EMSY: variants seen among roughly 807,000 people sequenced by gnomAD.
The protein encoded by EMSY is EMSY transcriptional repressor, BRCA2 interacting.
A neutral mutation model predicts 134.6 loss-of-function variants in EMSY; 26 were observed. That is an observed-to-expected ratio of 0.19 (90% CI 0.14 to 0.27). EMSY has a LOEUF of 0.27. Among genes scored for constraint, EMSY ranks in the 10% least tolerant of loss-of-function variants. The pLI, the probability that EMSY is intolerant of heterozygous loss-of-function variation, is 1.00. For synonymous variants in EMSY, 579 were observed against 577.8 expected, an observed-to-expected ratio of 1.00 and a Z score of -0.03; for missense variants, 1,305 against 1,611.4, an observed-to-expected ratio of 0.81 and a Z score of 3.26.
Position 76,459,892 on chromosome 11 carries a change from T to C in EMSY, c.422-44T>C, listed in dbSNP as rs777608907. ...AATTTTTTTGTATGCCTGGACAGTT[T>C]TGGTGAAAGTTAACAGCAAACTTTT... On this transcript the variant is annotated intron_variant, in intron 5 of 20. Transcript: ENST00000334736. 9 of 1,605,136 alleles carry C rather than the reference T, an allele frequency of 5.6e-6. No homozygotes were observed. The East Asian group carries it at 1.3e-4, about 24-fold the overall frequency.
chr11:76,462,534 G>A (rs1372854658), intron 6 of EMSY, among the ~76,000 whole-genome samples: 2 of 152,186 alleles, frequency 1.3e-5, no homozygotes, highest in African/African-American at 4.8e-5. Flanking sequence ...ACAGCTTAGG[G>A]GAGAGGTGGA....
At chr11:76,445,164 G>A (rs1158011754) in intron 1 of EMSY, 36 bp downstream of exon 1, 1 of 152,882 alleles carries the variant, frequency 6.5e-6, no homozygotes, top group Non-Finnish European at 1.5e-5. Flanking sequence ...GGGAAGAGCT[G>A]GCAGGCCAGC....
chr11:76,450,917 C>T (rs1449477622), intron 2 of EMSY, among the ~76,000 whole-genome samples: 2 of 151,872 alleles, frequency 1.3e-5, no homozygotes, highest in African/African-American at 4.8e-5. Flanking sequence ...CGTCAGCCTC[C>T]TGAGAGGCTG....
At chr11:76,461,827 G>T (rs1011431529) in intron 6 of EMSY, among the ~76,000 whole-genome samples, 2 of 152,122 alleles carry the variant, frequency 1.3e-5, no homozygotes, top group Non-Finnish European at 2.9e-5. Context: ...AGCTATTTGG[G>T]AGGCTGAGAC....
intron 12 of EMSY, 21 bp downstream of exon 13, chr11:76,523,312 C>A: frequency 6.2e-7 from 1 of 1,600,156 alleles, no homozygotes; most frequent in Non-Finnish European, 8.5e-7. Flanking sequence ...GCTTCAACTG[C>A]AGACTTAGCA....
intron 8 of EMSY, among the ~76,000 whole-genome samples, chr11:76,489,608 C>CT (rs58914353): frequency 0.57 from 80,956 of 141,560 alleles, 23,324 homozygotes; most frequent in African/African-American, 0.65. Flanking sequence ...CTTGATGTAT[C>CT]TTTTTTTTTT....
chr11:76,536,464 A>G (rs138184861), intron 15 of EMSY, among the ~76,000 whole-genome samples: 119 of 152,336 alleles, frequency 7.8e-4, no homozygotes, highest in African/African-American at 2.7e-3. Flanking sequence ...GGGCCTTGCC[A>G]TCCTCCTTGA....
chr11:76,494,513 G>A (rs1170933437), intron 8 of EMSY, among the ~76,000 whole-genome samples: 1 of 152,160 alleles, frequency 6.6e-6, no homozygotes, highest in Non-Finnish European at 1.5e-5. Context: ...GTCTAGTTCA[G>A]CACAACCAAG....
intron 17 of EMSY, 149 bp from the exon 19 acceptor site, chr11:76,542,067 A>G (rs753451176): frequency 1.7e-5 from 16 of 916,324 alleles, no homozygotes; most frequent in Non-Finnish European, 2.8e-5. Flanking sequence ...CAGCTCATAG[A>G]TGGGCAGACT....
chr11:76,475,735 G>A (rs765605392), intron 8 of EMSY, among the ~76,000 whole-genome samples: 3 of 152,168 alleles, frequency 2.0e-5, no homozygotes, highest in East Asian at 1.9e-4. Flanking sequence ...CACAGACTGC[G>A]TTTGTGATTG....
chr11:76,453,314 C>G (rs745827031), exon 4 of EMSY: 1 of 1,612,114 alleles, frequency 6.2e-7, no homozygotes, highest in South Asian at 1.1e-5. Context: ...TTCTTCATAG[C>G]ATCTCAACAG....
At chr11:76,510,515 C>CG (rs1212647986) in intron 9 of EMSY, among the ~76,000 whole-genome samples, 1 of 152,108 alleles carries the variant, frequency 6.6e-6, no homozygotes, top group Admixed American at 6.5e-5. Context: ...CTCACAGAGT[C>CG]GGGGTAAGGG....
intron 19 of EMSY, 92 bp from the exon 21 acceptor site, chr11:76,545,705 G>T: frequency 2.1e-6 from 3 of 1,418,092 alleles, no homozygotes; most frequent in Non-Finnish European, 2.9e-6. Flanking sequence ...TATAGCGCAC[G>T]AATGTTTCTT....
intron 9 of EMSY, 126 bp downstream of exon 10, chr11:76,496,595 T>C: frequency 9.5e-7 from 1 of 1,051,180 alleles, no homozygotes; most frequent in Non-Finnish European, 1.4e-6. Flanking sequence ...ATCAGTGTTT[T>C]ACAGCTTTCA....
rs1489592042 is a variant in EMSY at position 76,507,859 on chromosome 11, CTTTTTCTTTTTTTTT to C, written c.1364-5512_1364-5498del. Among the ~76,000 whole-genome samples the C allele has an allele frequency of 6.7e-3, 746 of 111,534 alleles. 4 individuals carry two copies. Among genetic ancestry groups the C allele is most frequent in the African/African-American group, 0.021 (708 of 33,300 alleles). The allele number at this position is 111,534 out of a possible 152,430, so 73.2% of individuals were successfully genotyped here. On this transcript the variant is annotated intron_variant, in intron 9 of 20. Transcript: ENST00000334736. ...TGCATTTTTTTTTCTTTTTCTTTTT[CTTTTTCTTTTTTTTT>C]TTTTTCTTTTTTTTGAGACATAGTC...
chr11:76,546,210 A>C (rs1337346626), exon 20 of EMSY: 1 of 1,614,098 alleles, frequency 6.2e-7, no homozygotes, highest in Non-Finnish European at 8.5e-7. Context: ...TTGATCCACC[A>C]GCAGTGCCTG....
chr11:76,539,840 G>A (rs1325410487), intron 17 of EMSY, among the ~76,000 whole-genome samples, 200 bp downstream of exon 18: 2 of 152,132 alleles, frequency 1.3e-5, no homozygotes, highest in Non-Finnish European at 2.9e-5. Context: ...GGAAAAAAGA[G>A]TTCTTTAAAA....
intron 11 of EMSY, among the ~76,000 whole-genome samples, chr11:76,519,290 C>G (rs1446352186): frequency 6.6e-6 from 1 of 152,138 alleles, no homozygotes; most frequent in East Asian, 1.9e-4. Context: ...ATGTCAAACT[C>G]CTGACCTCAG....
At chr11:76,544,645 T>C (rs750925717) in exon 19 of EMSY, 1 of 1,613,888 alleles carries the variant, frequency 6.2e-7, no homozygotes, top group Non-Finnish European at 8.5e-7. Flanking sequence ...ACAGGCAGCT[T>C]CCTACCTTAA....
Sources: allele counts gnomAD v4.1 joint callset (sites outside exome capture counted in the v4.1 genomes callset), GRCh38; gene constraint gnomAD v4.1.1; transcripts MANE v1.5; gene names NCBI Gene and HGNC (gene_info 2026-07-23, HGNC 2026-07-21).